Variants in GRIK2 observed in about 807,000 individuals in gnomAD.
The protein encoded by GRIK2 is glutamate receptor ionotropic, kainate 2.
In GRIK2, 32 loss-of-function variants were observed where a neutral mutation model predicts 100.3. The ratio of observed to expected loss-of-function variants is 0.32; its 90% CI spans 0.24 to 0.43. GRIK2 has a LOEUF of 0.43. GRIK2 is among the 20% of genes least tolerant of loss of function. The pLI, the probability that GRIK2 is intolerant of heterozygous loss-of-function variation, is 1.00. For missense variants in GRIK2, 843 were observed against 1,114.9 expected, an observed-to-expected ratio of 0.76 and a Z score of 3.47; for synonymous variants, 417 against 389.4, an observed-to-expected ratio of 1.07 and a Z score of -0.83.
intron 10 of GRIK2, among the ~76,000 whole-genome samples, chr6:101,841,444 A>C (rs1783494883): frequency 6.6e-6 from 1 of 151,742 alleles, no homozygotes; most frequent in Admixed American, 6.6e-5. Flanking sequence ...GCCCACTGCA[A>C]ACTCTGCCCC....
chr6:101,641,738 G>A (rs368734122), intron 4 of GRIK2, among the ~76,000 whole-genome samples: 5 of 151,938 alleles, frequency 3.3e-5, no homozygotes, highest in South Asian at 4.1e-4. Flanking sequence ...CCAGGTCTGA[G>A]CTTTTACACT....
In GRIK2 at chr6:101,682,554, C is replaced by A; in HGVS notation, c.725C>A (p.Ala242Glu). The change falls in exon 6 of 17, where the codon GCA (alanine) becomes GAA (glutamate). Residue 242 changes from alanine to glutamate, a missense_variant and splice_region_variant. This residue lies in a region of GRIK2 where 519 missense variants were observed against 643.8 expected (regional missense o/e 0.81). Transcript: ENST00000369134. ...HEMAAGILKQALAMGMMTEYY... is the reference protein window; with the variant it reads ...HEMAAGILKQELAMGMMTEYY... ...TCAGTAATTTTTTTTTTTCCTTAGGCATTAGCTATGGGAATGATGACAGAA... is the reference window on the plus strand; with the variant it reads ...TCAGTAATTTTTTTTTTTCCTTAGGAATTAGCTATGGGAATGATGACAGAA... 1.6e-6 allele frequency: 2 copies of A among 1,284,588 alleles called. No homozygotes were observed. The highest frequency in any genetic ancestry group is 1.2e-5 in the South Asian group (1 of 80,864). 79.6% of individuals were successfully genotyped at this position (1,284,588 alleles called of 1,614,324 possible).
At chr6:101,504,905 T>G (rs1003216323) in intron 2 of GRIK2, among the ~76,000 whole-genome samples, 1 of 152,046 alleles carries the variant, frequency 6.6e-6, no homozygotes, top group African/African-American at 2.4e-5. Flanking sequence ...CAGAGAGGAA[T>G]AAGAAGTGAT....
chr6:102,014,359 G>T (rs569302488), intron 14 of GRIK2, among the ~76,000 whole-genome samples: 63 of 151,662 alleles, frequency 4.2e-4, no homozygotes, highest in Admixed American at 3.9e-3. Context: ...CTAGCTAGTG[G>T]TCTATGTATT....
chr6:101,560,063 G>T (rs1237044716), intron 2 of GRIK2, among the ~76,000 whole-genome samples: 1 of 152,086 alleles, frequency 6.6e-6, no homozygotes. Flanking sequence ...GATTCGATGT[G>T]ATATTAAACA....
intron 4 of GRIK2, among the ~76,000 whole-genome samples, chr6:101,650,870 C>G (rs899508212): frequency 1.3e-5 from 2 of 152,100 alleles, no homozygotes; most frequent in Non-Finnish European, 2.9e-5. Context: ...TCCCCACCCC[C>G]TAGCACCTAG....
At chr6:101,800,949 G>A (rs968836726) in intron 8 of GRIK2, among the ~76,000 whole-genome samples, 1 of 152,068 alleles carries the variant, frequency 6.6e-6, no homozygotes, top group African/African-American at 2.4e-5. Flanking sequence ...ATCACACAGT[G>A]TCCCCCTTAT....
intron 2 of GRIK2, among the ~76,000 whole-genome samples, chr6:101,527,218 A>C (rs138174133): frequency 6.6e-6 from 1 of 152,200 alleles, no homozygotes; most frequent in Admixed American, 6.5e-5. Flanking sequence ...ATGTTTAAAC[A>C]CAGTACTGTC....
At chr6:101,988,139 GCGCGCGCGCGCGCGCGTGCGCGCA>G (rs1794148946) in intron 14 of GRIK2, among the ~76,000 whole-genome samples, 2 of 8,190 alleles carry the variant, frequency 2.4e-4, no homozygotes, top group Non-Finnish European at 6.1e-4. Context: ...GTGTGCGCGC[GCGCGCGCGCGCGCGCGTGCGCGCA>G]CATGCAAGAG....
chr6:101,683,962 C>G (rs1260084113), intron 6 of GRIK2, among the ~76,000 whole-genome samples: 1 of 152,158 alleles, frequency 6.6e-6, no homozygotes, highest in Non-Finnish European at 1.5e-5. Flanking sequence ...TGAAATTCTT[C>G]CAGTTAGTCT....
intron 2 of GRIK2, among the ~76,000 whole-genome samples, chr6:101,415,560 C>T (rs1170839161): frequency 6.6e-6 from 1 of 151,682 alleles, no homozygotes; most frequent in Non-Finnish European, 1.5e-5. Flanking sequence ...TTAGTAGAGA[C>T]GGGGTTTCAC....
At position 101,498,329 on chromosome 6, in the gene GRIK2, C is replaced by T. The variant is rs180878912; in HGVS notation, c.115+98937C>T. ...TGTGAATAGTGACGCAATAAACATA[C>T]GTGTGCATGTGTCTTTATAGCAGCA... On this transcript the variant is annotated intron_variant, in intron 2 of 16. Transcript: ENST00000369134. Among the ~76,000 whole-genome samples, 929 of 152,016 alleles carry T rather than the reference C, an allele frequency of 6.1e-3. 8 individuals are homozygous for T. Among genetic ancestry groups the T allele is most frequent in the African/African-American group, 0.021 (890 of 41,438 alleles).
At chr6:101,509,157 C>CAA (rs397885238) in intron 2 of GRIK2, among the ~76,000 whole-genome samples, 7,563 of 100,024 alleles carry the variant, frequency 0.076, 383 homozygotes, top group South Asian at 0.12. Flanking sequence ...GACTCTGTCT[C>CAA]AAAAAAAAAA....
chr6:101,549,774 G>A (rs758373327), intron 2 of GRIK2, among the ~76,000 whole-genome samples: 26 of 152,244 alleles, frequency 1.7e-4, no homozygotes, highest in East Asian at 1.2e-3. Flanking sequence ...TTGAGTGGTC[G>A]TGGAATGTCA....
chr6:101,789,180 T>A (rs1428501346), intron 7 of GRIK2, among the ~76,000 whole-genome samples: 1 of 152,214 alleles, frequency 6.6e-6, no homozygotes, highest in African/African-American at 2.4e-5. Flanking sequence ...GATAGTAGTT[T>A]CTTTTGCTGT....
chr6:101,523,891 T>C (rs1196836182), intron 2 of GRIK2, among the ~76,000 whole-genome samples: 1 of 152,046 alleles, frequency 6.6e-6, no homozygotes, highest in East Asian at 1.9e-4. Flanking sequence ...GGCTAATTTT[T>C]ATAGTTTTTT....
At chr6:101,733,238 C>G (rs1452447241) in intron 7 of GRIK2, among the ~76,000 whole-genome samples, 1 of 152,086 alleles carries the variant, frequency 6.6e-6, no homozygotes, top group African/African-American at 2.4e-5. Flanking sequence ...GGGTGAGACT[C>G]AAAGTATTAC....
intron 14 of GRIK2, among the ~76,000 whole-genome samples, chr6:102,005,610 C>T (rs1376048104): frequency 6.6e-6 from 1 of 152,026 alleles, no homozygotes; most frequent in Non-Finnish European, 1.5e-5. Flanking sequence ...GTATATTAAA[C>T]ACTTATCTTG....
intron 2 of GRIK2, among the ~76,000 whole-genome samples, chr6:101,484,130 G>A (rs1250686731): frequency 6.6e-6 from 1 of 152,128 alleles, no homozygotes. Flanking sequence ...TCTACTGATT[G>A]CAAAAGACAA....
Sources: gnomAD v4.1 joint callset for allele counts (sites outside exome capture counted in the v4.1 genomes callset) on GRCh38, gnomAD v4.1.1 for gene constraint, gnomAD v4.1.1 regional missense constraint, MANE v1.5 for transcripts, NCBI Gene and HGNC (gene_info 2026-07-23, HGNC 2026-07-21) for gene names.